The following RBMS3 variants were observed in gnomAD, a reference collection of about 807,000 sequenced individuals.
The protein encoded by RBMS3 is RNA-binding motif, single-stranded-interacting protein 3.
In RBMS3, 27 loss-of-function variants were observed where a neutral mutation model predicts 66.8. The observed-to-expected ratio is 0.40, with a 90% confidence interval of 0.30 to 0.56. The LOEUF is 0.56. Among genes scored for constraint, RBMS3 ranks in the 20% least tolerant of loss-of-function variants. RBMS3 has a pLI of 0.40. For missense variants in RBMS3, 513 were observed against 549.5 expected, an observed-to-expected ratio of 0.93 and a Z score of 0.66; for synonymous variants, 188 against 183.0, an observed-to-expected ratio of 1.03 and a Z score of -0.22.
chr3:29,620,328 T>C lies in RBMS3; in HGVS notation c.399+33123T>C, dbSNP rs529076723. On this transcript the variant is annotated intron_variant, in intron 4 of 14. Coordinates refer to ENST00000383767, the MANE Select transcript of RBMS3 (RefSeq NM_001003793.3). ...TATACATTCCAGGTTGCATATTCTA[T>C]GTAATTGGCTACTTTTCAATGACTT... Among the ~76,000 whole-genome samples, 7 of 152,278 alleles carry C rather than the reference T, an allele frequency of 4.6e-5. No individual in the cohort carries two copies. The South Asian group carries it at 1.2e-3, about 27-fold the overall frequency.
At chr3:29,642,926 A>G (rs1326137628) in intron 4 of RBMS3, 1 of 152,080 alleles carries the variant, frequency 6.6e-6, no homozygotes, top group African/African-American at 2.4e-5. Flanking sequence ...CCCTCAGTCG[A>G]TCCCAGAGGT....
intron 1 of RBMS3, among the ~76,000 whole-genome samples, chr3:29,329,220 G>A (rs990527262): frequency 2.6e-5 from 4 of 151,992 alleles, no homozygotes; most frequent in Admixed American, 6.6e-5. Context: ...GGTTTGTAAG[G>A]TAACCCTTTT....
chr3:29,464,041 T>C (rs1276000937), intron 2 of RBMS3, among the ~76,000 whole-genome samples: 1 of 152,040 alleles, frequency 6.6e-6, no homozygotes, highest in African/African-American at 2.4e-5. Context: ...ATAATTGAGG[T>C]CTTTGAGACC....
chr3:29,672,547 A>G (rs1177624439), intron 4 of RBMS3, among the ~76,000 whole-genome samples: 1 of 152,232 alleles, frequency 6.6e-6, no homozygotes, highest in African/African-American at 2.4e-5. Flanking sequence ...GACCCATCTC[A>G]TGTGCAGAGA....
intron 1 of RBMS3, among the ~76,000 whole-genome samples, chr3:29,319,912 T>C (rs868787083): frequency 6.6e-6 from 1 of 151,566 alleles, no homozygotes; most frequent in Non-Finnish European, 1.5e-5. Context: ...TCTTGAACTT[T>C]CTGTGCTAAT....
chr3:29,746,478 C>A (rs1004245232), intron 5 of RBMS3, among the ~76,000 whole-genome samples: 1 of 152,120 alleles, frequency 6.6e-6, no homozygotes, highest in Admixed American at 6.6e-5. Flanking sequence ...ATGTTTCATT[C>A]TTTTTGGTAA....
chr3:29,355,762 A>G (rs2037190402), intron 1 of RBMS3, among the ~76,000 whole-genome samples: 1 of 152,052 alleles, frequency 6.6e-6, no homozygotes, highest in Non-Finnish European at 1.5e-5. Context: ...TTCCCCCACA[A>G]AGAAAAAATC....
chr3:29,565,702 A>G (rs1330141989), intron 3 of RBMS3, among the ~76,000 whole-genome samples: 1 of 152,194 alleles, frequency 6.6e-6, no homozygotes, highest in East Asian at 1.9e-4. Context: ...ATTAACACCA[A>G]AACACTAGAT....
chr3:29,532,457 C>T (rs1001531607), intron 3 of RBMS3, among the ~76,000 whole-genome samples: 1 of 151,596 alleles, frequency 6.6e-6, no homozygotes, highest in African/African-American at 2.4e-5. Context: ...GCCCACTGTA[C>T]ATATTATGGT....
intron 1 of RBMS3, among the ~76,000 whole-genome samples, chr3:29,392,369 G>C (rs1000871812): frequency 2.0e-5 from 3 of 151,926 alleles, no homozygotes; most frequent in Non-Finnish European, 2.9e-5. Flanking sequence ...CTTATTTTTT[G>C]GTTACTTGTT....
At chr3:29,508,027 A>G (rs1315037852) in intron 3 of RBMS3, among the ~76,000 whole-genome samples, 1 of 152,138 alleles carries the variant, frequency 6.6e-6, no homozygotes, top group Non-Finnish European at 1.5e-5. Context: ...ATTAAAATTC[A>G]ATTATATATG....
At chr3:29,827,774 A>G (rs1249836024) in intron 6 of RBMS3, among the ~76,000 whole-genome samples, 5 of 152,188 alleles carry the variant, frequency 3.3e-5, no homozygotes, top group Middle Eastern at 3.2e-3. Context: ...AATGAATCCA[A>G]ACAGCCTATT....
chr3:29,997,384 C>T (rs59584446), intron 14 of RBMS3, among the ~76,000 whole-genome samples: 35,306 of 140,336 alleles, frequency 0.25, 5,270 homozygotes, highest in African/African-American at 0.34. Flanking sequence ...TTCCAATCAA[C>T]AGAAAAAGAG....
chr3:29,821,603 G>A (rs1455171599), intron 6 of RBMS3, among the ~76,000 whole-genome samples: 1 of 152,130 alleles, frequency 6.6e-6, no homozygotes, highest in Admixed American at 6.6e-5. Context: ...CTACCTGTGA[G>A]GAACTACAAC....
At chr3:29,388,766 A>C (rs146405761) in intron 1 of RBMS3, among the ~76,000 whole-genome samples, 153 of 152,202 alleles carry the variant, frequency 1.0e-3, no homozygotes, top group African/African-American at 3.3e-3. Context: ...GGGTTTCACC[A>C]TGTTAGCCAG....
rs563632170 is a variant in RBMS3, at chr3:29,491,030, A to C, written c.307+2531A>C. 2.6e-5 allele frequency among the ~76,000 whole-genome samples: 4 copies of C among 152,338 alleles called. No individual in the cohort carries two copies. In the South Asian group the frequency reaches 8.3e-4, roughly 32 times the overall value. On this transcript the variant is annotated intron_variant, in intron 3 of 14. Coordinates refer to ENST00000383767, the MANE Select transcript of RBMS3 (RefSeq NM_001003793.3). ...CAGAGTTTTGCTCAAGCATGCTGAT[A>C]TCTGTTGTCACAGTACAACTCTGAA...
intron 4 of RBMS3, among the ~76,000 whole-genome samples, chr3:29,689,363 T>A (rs2051874982): frequency 6.6e-6 from 1 of 152,172 alleles, no homozygotes; most frequent in South Asian, 2.1e-4. Flanking sequence ...TGACTCTTTT[T>A]CTTTATTCAT....
At chr3:29,618,720 C>T (rs909555478) in intron 4 of RBMS3, among the ~76,000 whole-genome samples, 12 of 151,988 alleles carry the variant, frequency 7.9e-5, no homozygotes, top group African/African-American at 2.9e-4. Flanking sequence ...ACTTTGGCTT[C>T]CAGGGGCGTC....
intron 14 of RBMS3, among the ~76,000 whole-genome samples, chr3:30,000,203 AAAC>A (rs1182085007): frequency 6.6e-6 from 1 of 152,090 alleles, no homozygotes; most frequent in African/African-American, 2.4e-5. Context: ...TACAAGAAAA[AAAC>A]AACCCCATCA....
Sources: gnomAD v4.1 joint callset for allele counts (sites outside exome capture counted in the v4.1 genomes callset) on GRCh38, gnomAD v4.1.1 for gene constraint, MANE v1.5 for transcripts, NCBI Gene and HGNC (gene_info 2026-07-23, HGNC 2026-07-21) for gene names.